Variants in TBC1D19 observed in about 807,000 individuals in gnomAD.
The protein encoded by TBC1D19 is TBC1 domain family, member 19.
Under a neutral mutation model 89.0 loss-of-function variants are expected in TBC1D19, and 60 were observed. The ratio of observed to expected loss-of-function variants is 0.67; its 90% CI spans 0.55 to 0.84. The LOEUF (loss-of-function observed/expected upper bound fraction) is 0.84, where lower values mean the gene tolerates loss of function less well. Ranked by LOEUF, TBC1D19 falls within the 40% of genes least tolerant of loss-of-function variation. The pLI, the probability that TBC1D19 is intolerant of heterozygous loss-of-function variation, is 0.00. For synonymous variants in TBC1D19, 189 were observed against 199.7 expected (o/e 0.95, Z 0.45); for missense variants, 500 against 610.8 (o/e 0.82, Z 1.91).
At chr4:26,592,145 A>T (rs1405115376) in intron 1 of TBC1D19, among the ~76,000 whole-genome samples, 3 of 152,190 alleles carry the variant, frequency 2.0e-5, no homozygotes, top group Non-Finnish European at 1.5e-5. Context: ...CCACCATGAT[A>T]AGTGGGCTTC....
chr4:26,650,873 A>G (rs2109043275), intron 7 of TBC1D19, among the ~76,000 whole-genome samples: 1 of 152,278 alleles, frequency 6.6e-6, no homozygotes, highest in Admixed American at 6.5e-5. Context: ...TTTATAATCC[A>G]TCTTGAATTA....
Position 26,613,075 on chromosome 4 carries a change from A to T in TBC1D19, c.100-94A>T, listed in dbSNP as rs1741480247. 11 of 923,678 alleles carry T rather than the reference A, an allele frequency of 1.2e-5. No homozygotes were observed. The South Asian group carries it at 1.8e-4, about 15-fold the overall frequency. 57.2% of individuals were successfully genotyped at this position (923,678 alleles called of 1,614,324 possible). ...TACATTTTTGAACACTCCTTTTTAA[A>T]CATTTCCTTTGTTCTAAATATCAAC... On this transcript the variant is annotated intron_variant, in intron 1 of 20. Coordinates refer to ENST00000264866, the MANE Select transcript of TBC1D19 (RefSeq NM_018317.4).
intron 15 of TBC1D19, among the ~76,000 whole-genome samples, chr4:26,725,732 G>A (rs1393503527): frequency 3.3e-5 from 5 of 152,010 alleles, no homozygotes; most frequent in African/African-American, 1.2e-4. Flanking sequence ...ACTTCTAAAC[G>A]ATCATCCTGT....
chr4:26,714,849 C>T (rs556689296), intron 13 of TBC1D19, among the ~76,000 whole-genome samples: 6 of 152,120 alleles, frequency 3.9e-5, no homozygotes, highest in South Asian at 2.1e-4. Flanking sequence ...GGACACTCTG[C>T]GTCTCCCAGC....
chr4:26,618,126 G>A (rs910105459), intron 3 of TBC1D19, among the ~76,000 whole-genome samples: 2 of 152,176 alleles, frequency 1.3e-5, no homozygotes, highest in African/African-American at 4.8e-5. Context: ...TTGCTATTGT[G>A]CACAGAGCCA....
intron 18 of TBC1D19, 112 bp downstream of exon 18, chr4:26,742,711 G>A (rs1718441073): frequency 1.5e-6 from 1 of 666,898 alleles, no homozygotes. Context: ...TAAGCTAACA[G>A]TTTTCCTAAT....
the TBC1D19 span, among the ~76,000 whole-genome samples, chr4:26,831,028 T>G: frequency 6.6e-6 from 1 of 152,230 alleles, no homozygotes; most frequent in South Asian, 2.1e-4. Context: ...ATAAATTGTT[T>G]TAAGTGATTT....
At chr4:26,838,648 G>A in the TBC1D19 span, among the ~76,000 whole-genome samples, 121 of 152,270 alleles carry the variant, frequency 7.9e-4, 1 homozygote, top group Non-Finnish European at 1.1e-3. Flanking sequence ...AGGCCACAGC[G>A]GGAGGGAGCA....
chr4:26,715,130 C>G (rs182938698), intron 13 of TBC1D19, among the ~76,000 whole-genome samples: 44 of 152,138 alleles, frequency 2.9e-4, no homozygotes, highest in African/African-American at 1.1e-3. Flanking sequence ...ACAAGTATCT[C>G]CAATTACCTC....
At chr4:26,694,784 G>A (rs1291058173) in intron 13 of TBC1D19, among the ~76,000 whole-genome samples, 3 of 152,214 alleles carry the variant, frequency 2.0e-5, no homozygotes, top group East Asian at 3.9e-4. Flanking sequence ...GGCAAACAGG[G>A]TCTGGAGTGG....
chr4:26,772,622 A>T, the TBC1D19 span, among the ~76,000 whole-genome samples: 2 of 151,840 alleles, frequency 1.3e-5, no homozygotes, highest in Admixed American at 1.3e-4. Context: ...TCCCTCCCTC[A>T]TCCCACACCC....
At chr4:26,830,499 C>T in the TBC1D19 span, among the ~76,000 whole-genome samples, 2 of 152,148 alleles carry the variant, frequency 1.3e-5, no homozygotes, top group African/African-American at 2.4e-5. Context: ...GCTAACAGAA[C>T]TCTCAGAGTT....
intron 11 of TBC1D19, among the ~76,000 whole-genome samples, chr4:26,675,447 A>AC (rs2109117484): frequency 6.6e-6 from 1 of 152,248 alleles, no homozygotes; most frequent in South Asian, 2.1e-4. Context: ...GCTAATAGCC[A>AC]TCTGAGTTTT....
chr4:26,687,654 T>C lies in TBC1D19; in HGVS notation c.892-691T>C, dbSNP rs562707120. 3.3e-5 allele frequency among the ~76,000 whole-genome samples: 5 copies of C among 152,260 alleles called. No homozygotes were observed. In the South Asian group the frequency reaches 1.0e-3, roughly 32 times the overall value. ...TTTTTACTCACTCATCAAATATGTA[T>C]TGGGTATTTAGGTGCTAAGCACTGT... is the stretch of plus-strand genomic sequence containing the variant. On this transcript the variant is annotated intron_variant, in intron 12 of 20. Transcript: ENST00000264866.
the TBC1D19 span, among the ~76,000 whole-genome samples, chr4:26,857,491 C>T: frequency 2.6e-5 from 4 of 152,246 alleles, no homozygotes; most frequent in African/African-American, 7.2e-5. Context: ...ACCCCTACTA[C>T]CGCCCCACGT....
chr4:26,665,261 A>G (rs1000529526), intron 8 of TBC1D19, among the ~76,000 whole-genome samples: 30 of 152,306 alleles, frequency 2.0e-4, no homozygotes, highest in African/African-American at 6.3e-4. Context: ...TGAAATGTGT[A>G]TATGTGTATG....
intron 4 of TBC1D19, among the ~76,000 whole-genome samples, chr4:26,635,636 T>G (rs576976688): frequency 6.6e-5 from 10 of 152,260 alleles, no homozygotes; most frequent in African/African-American, 1.9e-4. Context: ...GCATTAAAAT[T>G]TTTTAAAATA....
the TBC1D19 span, among the ~76,000 whole-genome samples, chr4:26,820,277 G>C: frequency 2.0e-5 from 3 of 152,144 alleles, no homozygotes; most frequent in Non-Finnish European, 2.9e-5. Flanking sequence ...TATTCTTGCA[G>C]TCTGAAACTT....
At chr4:26,614,381 A>G (rs577764237) in intron 2 of TBC1D19, 27 bp from the exon 3 acceptor site, 16 of 1,472,368 alleles carry the variant, frequency 1.1e-5, no homozygotes, top group South Asian at 2.5e-5. Context: ...GTATGTTCAT[A>G]TATTTTATTC....
Sources: allele counts gnomAD v4.1 joint callset (sites outside exome capture counted in the v4.1 genomes callset), GRCh38; gene constraint gnomAD v4.1.1; transcripts MANE v1.5; gene names NCBI Gene and HGNC (gene_info 2026-07-23, HGNC 2026-07-21).